The following SLC24A1 variants were observed in gnomAD, a reference collection of about 807,000 sequenced individuals.
SLC24A1 encodes the protein sodium/potassium/calcium exchanger 1.
A neutral mutation model predicts 88.1 loss-of-function variants in SLC24A1; 52 were observed. The ratio of observed to expected loss-of-function variants is 0.59; its 90% CI spans 0.47 to 0.74. The LOEUF (loss-of-function observed/expected upper bound fraction) is 0.74, where lower values mean the gene tolerates loss of function less well. Ranked by LOEUF, SLC24A1 falls within the 30% of genes least tolerant of loss-of-function variation. The probability of loss-of-function intolerance (pLI) is 0.00; values close to 1 mark genes in which losing one functional copy is unlikely to be tolerated. For synonymous variants in SLC24A1, 455 were observed against 498.0 expected, an observed-to-expected ratio of 0.91 and a Z score of 1.15; for missense variants, 1,173 against 1,363.3, an observed-to-expected ratio of 0.86 and a Z score of 2.20.
chr15:65,649,420 G>A (rs1352481158), intron 6 of SLC24A1, among the ~76,000 whole-genome samples: 1 of 152,138 alleles, frequency 6.6e-6, no homozygotes, highest in African/African-American at 2.4e-5. Flanking sequence ...TTTCTAATAA[G>A]CTCCTCAGGC....
intron 4 of SLC24A1, chr15:65,643,851 A>G (rs969318544): frequency 8.5e-5 from 13 of 153,730 alleles, no homozygotes; most frequent in African/African-American, 3.1e-4. Context: ...CCCCTTTTCC[A>G]CTGGAGAGGG....
chr15:65,619,761 C>T (rs1055051796), upstream of SLC24A1, among the ~76,000 whole-genome samples: 1 of 152,144 alleles, frequency 6.6e-6, no homozygotes, highest in Non-Finnish European at 1.5e-5. Flanking sequence ...GAAAGGCCTC[C>T]TTGCCGTCCT....
chr15:65,630,316 A>G (rs996163665), intron 2 of SLC24A1, among the ~76,000 whole-genome samples: 1 of 152,122 alleles, frequency 6.6e-6, no homozygotes, highest in African/African-American at 2.4e-5. Context: ...TAAAAATTAA[A>G]CCAATCAACA....
intron 5 of SLC24A1, among the ~76,000 whole-genome samples, 163 bp from the exon 6 acceptor site, chr15:65,645,449 A>G (rs1315608454): frequency 6.6e-6 from 1 of 152,220 alleles, no homozygotes; most frequent in Non-Finnish European, 1.5e-5. Context: ...GGCAATAACA[A>G]TTCACATCAT....
At position 65,626,620 on chromosome 15, in the gene SLC24A1, C is replaced by A. The variant is rs140890643; in HGVS notation, c.1890+650C>A. Among the ~76,000 whole-genome samples the A allele has an allele frequency of 8.5e-5, 13 of 152,272 alleles. No homozygotes were observed. In the East Asian group the frequency reaches 2.5e-3, roughly 29 times the overall value. The stretch of plus-strand genomic sequence containing the variant: ...CCCTTCTCTCTGTGCCCGCTGGAGA[C>A]CAGACACCAGGAGCACTAATCCTGG... On this transcript the variant is annotated intron_variant, in intron 2 of 9. Transcript: ENST00000261892.
At chr15:65,631,217 G>T (rs1309915173) in intron 2 of SLC24A1, among the ~76,000 whole-genome samples, 2 of 152,110 alleles carry the variant, frequency 1.3e-5, no homozygotes, top group Admixed American at 1.3e-4. Context: ...CATATGATGG[G>T]ATTCAATATG....
upstream of SLC24A1, among the ~76,000 whole-genome samples, chr15:65,617,206 C>T (rs1484232431): frequency 4.0e-5 from 6 of 151,894 alleles, no homozygotes; most frequent in Admixed American, 1.3e-4. Flanking sequence ...GTCTTGGCAA[C>T]GTGGGCTCTT....
chr15:65,632,858 T>G lies in SLC24A1; in HGVS notation c.1891-5270T>G, dbSNP rs540702038. On this transcript the variant is annotated intron_variant, in intron 2 of 9. Transcript: ENST00000261892. Reference sequence around the variant, plus strand: ...AATTAGGTGCAAGCCTTGGAAGGGATTTGTGTAGGAGAGTGACAAGCCCTG... The same window carrying G: ...AATTAGGTGCAAGCCTTGGAAGGGAGTTGTGTAGGAGAGTGACAAGCCCTG... Among the ~76,000 whole-genome samples the G allele has an allele frequency of 1.4e-4, 21 of 152,260 alleles. No individual in the cohort carries two copies. In the South Asian group the frequency reaches 4.2e-3, roughly 30 times the overall value.
chr15:65,611,490 C>A, exon 1 of SLC24A1: 1 of 425,298 alleles, frequency 2.4e-6, no homozygotes. Context: ...CCCGGTGACT[C>A]TGTGTCCGCT....
rs997598518 is a variant in SLC24A1 at position 65,650,300 on chromosome 15, G to T, written c.2233-82G>T. 2 of 1,196,618 alleles carry T rather than the reference G, an allele frequency of 1.7e-6. No individual in the cohort carries two copies. The highest frequency in any genetic ancestry group is 2.3e-6 in the Non-Finnish European group (2 of 855,374). The allele number at this position is 1,196,618 out of a possible 1,614,324, so 74.1% of individuals were successfully genotyped here. ...TTTTCAGATACCTTCTGAGAAGCACGCCAACAAAAAAATGGGGGAGTAACA... is the reference window on the plus strand; with the variant it reads ...TTTTCAGATACCTTCTGAGAAGCACTCCAACAAAAAAATGGGGGAGTAACA... On this transcript the variant is annotated intron_variant, in intron 6 of 9. Coordinates refer to ENST00000261892, the MANE Select transcript of SLC24A1 (RefSeq NM_004727.3). The surrounding 1 kb of genome is among the most constrained non-coding windows in gnomAD (Gnocchi z 4.1).
At chr15:65,628,286 C>G (rs560125389) in intron 2 of SLC24A1, among the ~76,000 whole-genome samples, 6 of 152,124 alleles carry the variant, frequency 3.9e-5, no homozygotes, top group Non-Finnish European at 7.4e-5. Context: ...ATGTCATCAC[C>G]CCTTCAAGGA....
In SLC24A1 at chr15:65,625,628, C is replaced by G; in HGVS notation, c.1548C>G (p.Val516=). The G allele has an allele frequency of 6.2e-7, 1 of 1,614,040 alleles. No individual in the cohort carries two copies. The highest frequency in any genetic ancestry group is 8.5e-7 in the Non-Finnish European group (1 of 1,179,888). The part of the protein sequence containing the change: ...APELFTSLIG[V]FISHSNVGIG... ...AGCTCTTCACCTCCCTCATCGGTGT[C>G]TTCATTTCCCACAGCAACGTGGGCA... The change falls in exon 2 of 10, where the codon GTC becomes GTG. Residue 516 remains valine, a synonymous_variant. Coordinates refer to ENST00000261892, the MANE Select transcript of SLC24A1 (RefSeq NM_004727.3).
Position 65,652,763 on chromosome 15 carries a change from CTG to C in SLC24A1, c.3009_3010del (p.Ser1004LysfsTer6). The C allele has an allele frequency of 6.2e-7, 1 of 1,613,212 alleles. No homozygotes were observed. Among genetic ancestry groups the C allele is most frequent in the Non-Finnish European group, 8.5e-7 (1 of 1,179,298 alleles). On this transcript the variant is annotated frameshift_variant, in exon 9 of 10. Coordinates refer to ENST00000261892, the MANE Select transcript of SLC24A1 (RefSeq NM_004727.3). LOFTEE classifies it high-confidence loss of function. ...GCTCGAAAAGGCCTGGGAGACATGGCTGTGTCAAGCTCTGTGGGCAGTAACAT... is the reference window on the plus strand; with the variant it reads ...GCTCGAAAAGGCCTGGGAGACATGGCTGTCAAGCTCTGTGGGCAGTAACAT...
At chr15:65,629,480 C>T (rs1016245552) in intron 2 of SLC24A1, among the ~76,000 whole-genome samples, 1 of 152,190 alleles carries the variant, frequency 6.6e-6, no homozygotes, top group Non-Finnish European at 1.5e-5. Context: ...CCTTTTATGA[C>T]CCCAGTAAGG....
At chr15:65,645,993 G>C (rs1485675323) in intron 6 of SLC24A1, among the ~76,000 whole-genome samples, 1 of 152,174 alleles carries the variant, frequency 6.6e-6, no homozygotes, top group Non-Finnish European at 1.5e-5. Flanking sequence ...CAGCAACTAG[G>C]TGACAGTGAG....
intron 2 of SLC24A1, among the ~76,000 whole-genome samples, chr15:65,629,725 G>A (rs922400622): frequency 6.6e-6 from 1 of 152,214 alleles, no homozygotes; most frequent in African/African-American, 2.4e-5. Context: ...AGGACAGCAG[G>A]GGCCCTTCTT....
chr15:65,638,395 G>T (rs988657137), intron 3 of SLC24A1, among the ~76,000 whole-genome samples: 7 of 152,166 alleles, frequency 4.6e-5, no homozygotes, highest in Non-Finnish European at 7.4e-5. Context: ...GCTAGTTTGG[G>T]AGCTAAGTCT....
intron 2 of SLC24A1, among the ~76,000 whole-genome samples, chr15:65,626,834 C>G (rs2074537564): frequency 6.6e-6 from 1 of 152,140 alleles, no homozygotes; most frequent in African/African-American, 2.4e-5. Flanking sequence ...GCACATACCA[C>G]CACACCCGGA....
chr15:65,620,083 T>G (rs2074271333), upstream of SLC24A1, among the ~76,000 whole-genome samples: 1 of 149,776 alleles, frequency 6.7e-6, no homozygotes, highest in South Asian at 2.1e-4. Flanking sequence ...ATGTATTTAA[T>G]AAATAACTTT....
Sources: gnomAD v4.1 joint callset for allele counts (sites outside exome capture counted in the v4.1 genomes callset) on GRCh38, gnomAD v4.1.1 for gene constraint, Gnocchi (gnomAD v3.1) non-coding constraint, MANE v1.5 for transcripts, NCBI Gene and HGNC (gene_info 2026-07-23, HGNC 2026-07-21) for gene names.